PLAT: variants seen among roughly 807,000 people sequenced by gnomAD.
PLAT encodes the protein plasminogen activator, tissue type.
In PLAT, 48 loss-of-function variants were observed where a neutral mutation model predicts 74.9. That is an observed-to-expected ratio of 0.64 (90% CI 0.51 to 0.82). The LOEUF (loss-of-function observed/expected upper bound fraction) is 0.82. Ranked by LOEUF, PLAT falls within the 40% of genes least tolerant of loss-of-function variation. The probability of loss-of-function intolerance (pLI) is 0.00; values close to 1 mark genes in which losing one functional copy is unlikely to be tolerated. For synonymous variants in PLAT, 307 were observed against 294.4 expected (o/e 1.04, Z -0.44); for missense variants, 673 against 736.2 (o/e 0.91, Z 0.99).
At chr8:42,185,231 G>A (rs938825622) in intron 6 of PLAT, 59 bp from the exon 7 acceptor site, 1 of 1,041,714 alleles carries the variant, frequency 9.6e-7, no homozygotes, top group Non-Finnish European at 1.4e-6. Flanking sequence ...TCTCCTTTAG[G>A]ACCCAAGGAC....
chr8:42,191,536 C>A (rs1255996437), intron 2 of PLAT, 122 bp from the exon 3 acceptor site: 6 of 802,346 alleles, frequency 7.5e-6, no homozygotes, highest in Non-Finnish European at 1.3e-5. Flanking sequence ...GAGACCCCCT[C>A]GGGTAACTGG....
At position 42,193,475 on chromosome 8, in the gene PLAT, G is replaced by A. The variant is rs373937219; in HGVS notation, c.-26-264C>T. The A allele has an allele frequency of 1.1e-4, 34 of 296,856 alleles. 1 individual carries two copies. The highest frequency in any genetic ancestry group is 4.0e-4 in the East Asian group (6 of 15,022). 18.4% of individuals were successfully genotyped at this position (296,856 alleles called of 1,614,324 possible). A position where few individuals can be genotyped will look rare whatever the true frequency, so the allele number is the denominator to read the frequency against. The stretch of plus-strand genomic sequence containing the variant: ...AAGCACGTCATATTGCTGTGCGGCC[G>A]GCCGTCACCACCGCCCATCTCCAGA... On this transcript the variant is annotated intron_variant, in intron 1 of 13. Coordinates refer to ENST00000220809, the MANE Select transcript of PLAT (RefSeq NM_000930.5).
chr8:42,194,392 C>T (rs1368258636), intron 1 of PLAT, among the ~76,000 whole-genome samples: 1 of 152,132 alleles, frequency 6.6e-6, no homozygotes, highest in Non-Finnish European at 1.5e-5. Flanking sequence ...AGCCACCGCG[C>T]CCAGCATTTT....
intron 9 of PLAT, among the ~76,000 whole-genome samples, chr8:42,181,716 T>A (rs781617448): frequency 3.2e-4 from 49 of 152,244 alleles, no homozygotes; most frequent in South Asian, 1.7e-3. Flanking sequence ...GTTGCTGTGT[T>A]CTTTTCTTTC....
At chr8:42,194,932 C>T (rs1170635832) in intron 1 of PLAT, among the ~76,000 whole-genome samples, 1 of 152,188 alleles carries the variant, frequency 6.6e-6, no homozygotes, top group Non-Finnish European at 1.5e-5. Context: ...GACCCCAGAG[C>T]CCCAGTTTCC....
At chr8:42,185,045 G>C (rs369117816) in intron 7 of PLAT, 36 bp downstream of exon 7, 139 of 1,414,184 alleles carry the variant, frequency 9.8e-5, no homozygotes, top group Middle Eastern at 1.9e-4. Flanking sequence ...CCTCCCCCAG[G>C]GACATTCAGG....
chr8:42,199,053 C>T (rs1041586548), intron 1 of PLAT, among the ~76,000 whole-genome samples: 9 of 152,208 alleles, frequency 5.9e-5, no homozygotes, highest in Non-Finnish European at 1.5e-5. Flanking sequence ...ACCCTTTGTT[C>T]GGGACAGGAG....
intron 1 of PLAT, among the ~76,000 whole-genome samples, chr8:42,202,980 G>A (rs996884756): frequency 4.6e-5 from 7 of 152,156 alleles, no homozygotes; most frequent in African/African-American, 1.2e-4. Context: ...CACAGCTCCC[G>A]ACAGCAGGCA....
intron 13 of PLAT, among the ~76,000 whole-genome samples, chr8:42,176,432 G>T (rs1587924658): frequency 6.6e-6 from 1 of 152,218 alleles, no homozygotes; most frequent in Non-Finnish European, 1.5e-5. Context: ...GGCCCAGTCT[G>T]AGTGAGTGTG....
At chr8:42,187,336 ATCTT>A in intron 6 of PLAT, 58 bp downstream of exon 6, 1 of 1,430,012 alleles carries the variant, frequency 7.0e-7, no homozygotes, top group Non-Finnish European at 9.4e-7. Flanking sequence ...ATCTGACAGA[ATCTT>A]TCCCCAGCTG....
In PLAT at chr8:42,178,972, T is replaced by A; in HGVS notation, c.1455A>T (p.Thr485=). Residue 485 remains threonine, a synonymous_variant, in exon 13 of 14, where the codon ACA becomes ACT. Transcript: ENST00000220809. Reference sequence around the variant, plus strand: ...CAGCACACAGCATGTTGTCGGTGACTGTTCTGTTAAGTAAATGTTGTGATG... The same window carrying A: ...CAGCACACAGCATGTTGTCGGTGACAGTTCTGTTAAGTAAATGTTGTGATG... ...RCTSQHLLNR[T]VTDNMLCAGD... is the part of the protein sequence containing the mutation. The A allele has an allele frequency of 6.2e-7, 1 of 1,614,146 alleles. No homozygotes were observed. Among genetic ancestry groups the A allele is most frequent in the Non-Finnish European group, 8.5e-7 (1 of 1,179,984 alleles).
intron 9 of PLAT, 134 bp downstream of exon 9, chr8:42,181,803 C>T (rs1805250895): frequency 1.6e-6 from 1 of 618,192 alleles, no homozygotes; most frequent in East Asian, 2.9e-5. Context: ...TCATGGAAGC[C>T]CCCTCCCCAC....
intron 13 of PLAT, among the ~76,000 whole-genome samples, chr8:42,177,822 A>G (rs1055907893): frequency 6.6e-6 from 1 of 152,232 alleles, no homozygotes; most frequent in Non-Finnish European, 1.5e-5. Flanking sequence ...CTGTCAGGGA[A>G]TCAGAGGGGA....
At chr8:42,200,399 G>C (rs1207898388) in intron 1 of PLAT, among the ~76,000 whole-genome samples, 1 of 152,124 alleles carries the variant, frequency 6.6e-6, no homozygotes, top group African/African-American at 2.4e-5. Context: ...AATTTGCAAG[G>C]TGTGGTGGCT....
At chr8:42,187,126 C>G (rs1195201985) in intron 6 of PLAT, 1 of 356,332 alleles carries the variant, frequency 2.8e-6, no homozygotes, top group Non-Finnish European at 5.1e-6. Flanking sequence ...TATCTATCAC[C>G]TATCATCTGT....
intron 1 of PLAT, among the ~76,000 whole-genome samples, chr8:42,205,486 A>G (rs1806295386): frequency 6.6e-6 from 1 of 152,134 alleles, no homozygotes; most frequent in Non-Finnish European, 1.5e-5. Flanking sequence ...GGATCATGCC[A>G]TTGCACTCTA....
chr8:42,203,192 G>A (rs1240134106), intron 1 of PLAT, among the ~76,000 whole-genome samples: 1 of 152,154 alleles, frequency 6.6e-6, no homozygotes, highest in African/African-American at 2.4e-5. Flanking sequence ...CCTGGTATCT[G>A]GGTTCAGCCT....
At chr8:42,206,467 TC>T (rs1806342348) in intron 1 of PLAT, among the ~76,000 whole-genome samples, 1 of 152,148 alleles carries the variant, frequency 6.6e-6, no homozygotes, top group Admixed American at 6.5e-5. Context: ...TTGAGGGGAC[TC>T]CACCTGACAA....
intron 6 of PLAT, chr8:42,187,015 C>A: frequency 8.0e-6 from 1 of 124,330 alleles, no homozygotes; most frequent in Non-Finnish European, 1.7e-5. Flanking sequence ...CTATCATCTA[C>A]CACCTATCAT....
Sources: allele counts gnomAD v4.1 joint callset (sites outside exome capture counted in the v4.1 genomes callset), GRCh38; gene constraint gnomAD v4.1.1; transcripts MANE v1.5; gene names NCBI Gene and HGNC (gene_info 2026-07-23, HGNC 2026-07-21).